Variants in SATB2 observed in about 807,000 individuals in gnomAD.
SATB2 encodes the protein SATB homeobox 2.
SATB2 carries 1 observed loss-of-function variant against 73.4 expected under a neutral mutation model. The observed-to-expected ratio is 0.01, with a 90% CI of 0.00 to 0.06. The LOEUF (loss-of-function observed/expected upper bound fraction) is 0.06, where lower values mean the gene tolerates loss of function less well. Ranked by LOEUF, SATB2 falls within the 10% of genes least tolerant of loss-of-function variation. SATB2 has a pLI of 1.00. For synonymous variants in SATB2, 397 were observed against 367.0 expected, an observed-to-expected ratio of 1.08 and a Z score of -0.93; for missense variants, 459 against 945.8, an observed-to-expected ratio of 0.49 and a Z score of 6.75.
At chr2:199,351,260 C>G (rs909251100) in intron 6 of SATB2, among the ~76,000 whole-genome samples, 4 of 150,888 alleles carry the variant, frequency 2.7e-5, no homozygotes, top group African/African-American at 9.8e-5. Context: ...CTCTCGGGTT[C>G]AAGTGATTCT....
In SATB2 at chr2:199,418,228, G is replaced by A. The variant is rs552222237; in HGVS notation, c.346+15110C>T. On this transcript the variant is annotated intron_variant, in intron 3 of 10. Coordinates refer to ENST00000417098, the MANE Select transcript of SATB2 (RefSeq NM_001172509.2). ...GAAGAGGAAACTGAGGCAGAGAATCGCAGAGCTGGGAAGTGGGGAGCACCA... is the reference window on the plus strand; with the variant it reads ...GAAGAGGAAACTGAGGCAGAGAATCACAGAGCTGGGAAGTGGGGAGCACCA... Among the ~76,000 whole-genome samples the A allele has an allele frequency of 2.4e-4, 36 of 152,248 alleles. No homozygotes were observed. In the South Asian group the frequency reaches 6.6e-3, roughly 28 times the overall value.
At chr2:199,305,119 GTGA>G (rs1687392572) in intron 10 of SATB2, among the ~76,000 whole-genome samples, 1 of 152,196 alleles carries the variant, frequency 6.6e-6, no homozygotes, top group Non-Finnish European at 1.5e-5. Context: ...AGGTGGTCAG[GTGA>G]CCTGACAGGA....
chr2:199,449,796 C>T (rs1445984708), intron 2 of SATB2, among the ~76,000 whole-genome samples: 1 of 152,106 alleles, frequency 6.6e-6, no homozygotes, highest in East Asian at 1.9e-4. Flanking sequence ...CAGGAATTCA[C>T]AGCTCTCCTT....
chr2:199,380,350 C>G lies in SATB2; in HGVS notation c.597+14G>C. ...CTTCTTCTGTTTCCCAGACCCCCACCTGAAGATACTGACCTGGGAGAGAGG... is the reference window on the plus strand; with the variant it reads ...CTTCTTCTGTTTCCCAGACCCCCACGTGAAGATACTGACCTGGGAGAGAGG... On this transcript the variant is annotated intron_variant, in intron 5 of 10. Transcript: ENST00000417098. 6.2e-7 allele frequency: 1 copy of G among 1,613,914 alleles called. No individual in the cohort carries two copies. Among genetic ancestry groups the G allele is most frequent in the Non-Finnish European group, 8.5e-7 (1 of 1,179,810 alleles).
intron 6 of SATB2, 139 bp downstream of exon 6, chr2:199,368,466 T>A: frequency 3.0e-6 from 2 of 659,348 alleles, no homozygotes; most frequent in East Asian, 5.5e-5. Flanking sequence ...TAGGATCTCA[T>A]GACAGGAATA....
At chr2:199,283,922 A>C (rs917610181) in intron 10 of SATB2, among the ~76,000 whole-genome samples, 1 of 152,202 alleles carries the variant, frequency 6.6e-6, no homozygotes, top group African/African-American at 2.4e-5. Context: ...TCATTGTTGG[A>C]CTTGAAAGCT....
chr2:199,335,891 CT>C (rs1688321950), intron 7 of SATB2, among the ~76,000 whole-genome samples: 1 of 152,158 alleles, frequency 6.6e-6, no homozygotes, highest in African/African-American at 2.4e-5. Context: ...TAAAATTTCA[CT>C]TGTGGCAACT....
intron 9 of SATB2, among the ~76,000 whole-genome samples, chr2:199,318,729 TA>T (rs1489933272): frequency 2.0e-5 from 3 of 151,660 alleles, no homozygotes; most frequent in Non-Finnish European, 4.4e-5. Flanking sequence ...TTAAAAAATG[TA>T]TAAATATGTA....
Position 199,343,113 on chromosome 2 carries a change from TACACACACACAC to T in SATB2, c.1173+5576_1173+5587del, listed in dbSNP as rs60947005. On this transcript the variant is annotated intron_variant, in intron 7 of 10. Transcript: ENST00000417098. Reference sequence around the variant, plus strand: ...AATGTTTACATATTATTTTATTTTATACACACACACACACACACACACACATACACGATTTGT... The same window carrying T: ...AATGTTTACATATTATTTTATTTTATACACACACACACATACACGATTTGT... Among the ~76,000 whole-genome samples, 222 of 151,230 alleles carry T rather than the reference TACACACACACAC, an allele frequency of 1.5e-3. 2 individuals carry two copies. Among genetic ancestry groups the T allele is most frequent in the African/African-American group, 4.8e-3 (196 of 41,190 alleles).
chr2:199,284,862 A>C (rs1692638091), intron 10 of SATB2, among the ~76,000 whole-genome samples: 1 of 152,128 alleles, frequency 6.6e-6, no homozygotes, highest in Admixed American at 6.5e-5. Context: ...ACAATATAGT[A>C]TAATAACTAT....
At chr2:199,295,772 G>A (rs1275252299) in intron 10 of SATB2, among the ~76,000 whole-genome samples, 3 of 151,940 alleles carry the variant, frequency 2.0e-5, no homozygotes, top group Non-Finnish European at 2.9e-5. Flanking sequence ...AAAGGTGAAG[G>A]GTTATATGAT....
At chr2:199,408,644 A>C (rs1221494573) in intron 3 of SATB2, among the ~76,000 whole-genome samples, 1 of 150,010 alleles carries the variant, frequency 6.7e-6, no homozygotes, top group Non-Finnish European at 1.5e-5. Flanking sequence ...AAAGAGACCA[A>C]ATGTATACAA....
chr2:199,270,677 C>G lies in SATB2; in HGVS notation c.*1534G>C, dbSNP rs1468222671. 1 of 152,290 alleles carries G rather than the reference C, an allele frequency of 6.6e-6. No homozygotes were observed. The highest frequency in any genetic ancestry group is 1.5e-5 in the Non-Finnish European group (1 of 68,042). The allele number at this position is 152,290 out of a possible 1,614,324, so 9.4% of individuals were successfully genotyped here. A position where few individuals can be genotyped will look rare whatever the true frequency, so the allele number is the denominator to read the frequency against. On this transcript the variant is annotated 3_prime_UTR_variant, in exon 11 of 11. Coordinates refer to ENST00000417098, the MANE Select transcript of SATB2 (RefSeq NM_001172509.2). Reference sequence around the variant, plus strand: ...TTTCTCATAGGAAGCCGAAAGAGATCTGGAGTACTATAGTAGATTGCAGCT... The same window carrying G: ...TTTCTCATAGGAAGCCGAAAGAGATGTGGAGTACTATAGTAGATTGCAGCT...
intron 10 of SATB2, among the ~76,000 whole-genome samples, chr2:199,280,296 G>A (rs2105721081): frequency 6.6e-6 from 1 of 152,272 alleles, no homozygotes; most frequent in South Asian, 2.1e-4. Context: ...TTCGTAAGCT[G>A]AGGAGGATGT....
At chr2:199,314,190 A>G (rs1381460836) in intron 9 of SATB2, among the ~76,000 whole-genome samples, 1 of 152,150 alleles carries the variant, frequency 6.6e-6, no homozygotes, top group African/African-American at 2.4e-5. Flanking sequence ...AGTGGAGGGC[A>G]AGGGTTTGTT....
chr2:199,383,367 C>A (rs1689833942), intron 3 of SATB2, among the ~76,000 whole-genome samples: 1 of 152,210 alleles, frequency 6.6e-6, no homozygotes, highest in Non-Finnish European at 1.5e-5. Flanking sequence ...CCAGGGCCCA[C>A]TGGACAGCCA....
At chr2:199,317,428 A>T (rs1490706781) in intron 9 of SATB2, among the ~76,000 whole-genome samples, 2 of 152,138 alleles carry the variant, frequency 1.3e-5, no homozygotes, top group Non-Finnish European at 2.9e-5. Flanking sequence ...AATTTACTTC[A>T]AAGACACATG....
intron 1 of SATB2, among the ~76,000 whole-genome samples, chr2:199,456,975 T>TGGGGGGGGGGGGG (rs71397724): frequency 7.3e-5 from 9 of 123,772 alleles, no homozygotes; most frequent in African/African-American, 2.3e-4. Flanking sequence ...ATTGGGGGGG[T>TGGGGGGGGGGGGG]GGGGGGGGGC....
intron 6 of SATB2, among the ~76,000 whole-genome samples, chr2:199,362,725 T>G (rs1209844003): frequency 1.3e-5 from 2 of 152,298 alleles, no homozygotes; most frequent in Non-Finnish European, 2.9e-5. Flanking sequence ...CTAGAATTTG[T>G]TTTTGAATGA....
Sources: gnomAD v4.1 joint callset for allele counts (sites outside exome capture counted in the v4.1 genomes callset) on GRCh38, gnomAD v4.1.1 for gene constraint, MANE v1.5 for transcripts, NCBI Gene and HGNC (gene_info 2026-07-23, HGNC 2026-07-21) for gene names.